Variants in NAALADL1 observed in about 807,000 individuals in gnomAD.
NAALADL1 encodes N-acetylated alpha-linked acidic dipeptidase like 1.
NAALADL1 carries 77 observed loss-of-function variants against 82.8 expected under a neutral mutation model. That is an observed-to-expected ratio of 0.93 (90% CI 0.77 to 1.12). The LOEUF (loss-of-function observed/expected upper bound fraction) is 1.12. NAALADL1 is among the 50% of genes most tolerant of loss of function. The pLI is 0.00. For synonymous variants in NAALADL1, 358 were observed against 399.2 expected (o/e 0.90, Z 1.23); for missense variants, 956 against 964.0 (o/e 0.99, Z 0.11).
chr11:65,045,795 C>A, intron 17 of NAALADL1, 27 bp downstream of exon 17: 1 of 1,605,032 alleles, frequency 6.2e-7, no homozygotes, highest in Non-Finnish European at 8.5e-7. Flanking sequence ...CCTGGAGGCA[C>A]CTCCCAGGAC....
rs1413748392 is a variant in NAALADL1 at position 65,051,335 on chromosome 11, T to C, written c.1198+1883A>G. Among the ~76,000 whole-genome samples, 236 of 119,130 alleles carry C rather than the reference T, an allele frequency of 2.0e-3. 4 individuals carry two copies. Among genetic ancestry groups the C allele is most frequent in the Middle Eastern group, 7.5e-3 (2 of 266 alleles). 78.2% of individuals were successfully genotyped at this position (119,130 alleles called of 152,430 possible). ...TCTTTCTTTTTTTTTTTTTTTTTTTTTTTTTTTTTTTTTTTTTTTGAGACA... is the reference window on the plus strand; with the variant it reads ...TCTTTCTTTTTTTTTTTTTTTTTTTCTTTTTTTTTTTTTTTTTTTGAGACA... On this transcript the variant is annotated intron_variant, in intron 8 of 17. Transcript: ENST00000358658.
In NAALADL1 at chr11:65,046,435, C is replaced by A; in HGVS notation, c.1681+10G>T. ...CCTGGTCTCAGGATGCCCCTTGTCT[C>A]CCTCCTCACCCGGGTCCAAAAACTT... On this transcript the variant is annotated intron_variant, in intron 14 of 17. Coordinates refer to ENST00000358658, the MANE Select transcript of NAALADL1 (RefSeq NM_005468.3). 1 of 1,614,212 alleles carries A rather than the reference C, an allele frequency of 6.2e-7. No individual in the cohort carries two copies. Among genetic ancestry groups the A allele is most frequent in the Non-Finnish European group, 8.5e-7 (1 of 1,180,032 alleles).
Position 65,057,900 on chromosome 11 carries a change from G to A in NAALADL1, c.455C>T (p.Ala152Val), listed in dbSNP as rs778146385. ...CTGTGGGGTTCCAGAAGGAGCATAGGCAGCATAGGGTTGTACCACATCTGG... is the reference window on the plus strand; with the variant it reads ...CTGTGGGGTTCCAGAAGGAGCATAGACAGCATAGGGTTGTACCACATCTGG... ...GGPDVVQPYA[A>V]YAPSGTPQGL... Residue 152 changes from alanine (A) to valine (V), a missense_variant, in exon 3 of 18, where the codon GCC becomes GTC. By Grantham distance (64) the Ala-to-Val change is moderately conservative. Transcript: ENST00000358658. 9.3e-6 allele frequency: 15 copies of A among 1,614,068 alleles called. No homozygotes were observed. Among genetic ancestry groups the A allele is most frequent in the Non-Finnish European group, 1.2e-5 (14 of 1,179,996 alleles).
intron 13 of NAALADL1, 29 bp downstream of exon 13, chr11:65,047,446 G>A (rs756128249): frequency 1.3e-6 from 2 of 1,543,386 alleles, no homozygotes; most frequent in South Asian, 1.2e-5. Context: ...GCAAGGTACC[G>A]AGGCAGGGAC....
chr11:65,056,923 G>T (rs1485436712), intron 4 of NAALADL1, among the ~76,000 whole-genome samples: 2 of 151,468 alleles, frequency 1.3e-5, no homozygotes, highest in Non-Finnish European at 2.9e-5. Flanking sequence ...CACCATGTTG[G>T]CCAGGCTGGC....
Position 65,053,780 on chromosome 11 carries a change from C to T in NAALADL1, c.993-204G>A, listed in dbSNP as rs1946958697. 6.6e-6 allele frequency among the ~76,000 whole-genome samples: 1 copy of T among 152,192 alleles called. No individual in the cohort carries two copies. Among genetic ancestry groups the T allele is most frequent in the African/African-American group, 2.4e-5 (1 of 41,434 alleles). On this transcript the variant is annotated intron_variant, in intron 6 of 17. Coordinates refer to ENST00000358658, the MANE Select transcript of NAALADL1 (RefSeq NM_005468.3). This position sits in a 1 kb window ranked among gnomAD's most constrained non-coding sequence, Gnocchi z 4.3. ...TACTTATTGGGTACTTAGTCCCTGA[C>T]TAGTCTCTGGGCAATGACGGTGACA...
intron 3 of NAALADL1, 69 bp downstream of exon 3, chr11:65,057,806 A>G: frequency 5.0e-6 from 8 of 1,595,812 alleles, no homozygotes; most frequent in Non-Finnish European, 6.9e-6. Flanking sequence ...TCCCTGGGTC[A>G]GGGTGGGGAG....
chr11:65,060,948 T>C (rs1565258443), upstream of NAALADL1, among the ~76,000 whole-genome samples: 1 of 152,068 alleles, frequency 6.6e-6, no homozygotes, highest in Non-Finnish European at 1.5e-5. Flanking sequence ...CTCCCCACTC[T>C]CCACCTGCCC....
intron 13 of NAALADL1, 100 bp downstream of exon 13, chr11:65,047,375 G>A (rs911587473): frequency 4.0e-6 from 4 of 992,024 alleles, no homozygotes; most frequent in Admixed American, 2.8e-5. Flanking sequence ...GTAGCAATGA[G>A]TAAAGGTGCA....
At chr11:65,055,846 CTTCT>C (rs1290853444) in intron 4 of NAALADL1, among the ~76,000 whole-genome samples, 1 of 148,878 alleles carries the variant, frequency 6.7e-6, no homozygotes, top group Non-Finnish European at 1.5e-5. Flanking sequence ...CTCCACCTTC[CTTCT>C]TTCTTTCTCT....
In NAALADL1 at chr11:65,057,428, G is replaced by T. The variant is rs749688158; in HGVS notation, c.546C>A (p.Ile182=). 2 of 1,614,182 alleles carry T rather than the reference G, an allele frequency of 1.2e-6. No individual in the cohort carries two copies. Among genetic ancestry groups the T allele is most frequent in the East Asian group, 4.5e-5 (2 of 44,888 alleles). The change falls in exon 4 of 18, where the codon ATC becomes ATA. Residue 182 remains isoleucine (I), a synonymous_variant. Transcript: ENST00000358658. ...EDFKELQTQG[I]KLEGTIALTR... Reference sequence around the variant, plus strand: ...TCAGGGCAATGGTGCCTTCAAGTTTGATGCCCTGAGTCTGTAGCTCCTTAA... The same window carrying T: ...TCAGGGCAATGGTGCCTTCAAGTTTTATGCCCTGAGTCTGTAGCTCCTTAA...
chr11:65,057,958 T>C lies in NAALADL1; in HGVS notation c.397A>G (p.Thr133Ala). The C allele has an allele frequency of 6.2e-7, 1 of 1,614,120 alleles. No individual in the cohort carries two copies. Among genetic ancestry groups the C allele is most frequent in the East Asian group, 2.2e-5 (1 of 44,864 alleles). ...TGGIIHSCHR[T>A]EENVTGEQGG... Reference sequence around the variant, plus strand: ...TGCTCCCCGGTCACGTTCTCCTCAGTCCGGTGGCAGGAGTGGATGATGCCC... The same window carrying C: ...TGCTCCCCGGTCACGTTCTCCTCAGCCCGGTGGCAGGAGTGGATGATGCCC... Residue 133 changes from threonine (T) to alanine (A), a missense_variant, in exon 3 of 18, where the codon ACT (threonine) becomes GCT (alanine). Thr to Ala is a moderately conservative substitution (Grantham distance 58, BLOSUM62 0). Coordinates refer to ENST00000358658, the MANE Select transcript of NAALADL1 (RefSeq NM_005468.3).
intron 4 of NAALADL1, among the ~76,000 whole-genome samples, chr11:65,056,576 T>C (rs755383193): frequency 8.6e-5 from 13 of 151,958 alleles, no homozygotes; most frequent in Non-Finnish European, 8.8e-5. Context: ...ATTTTTGTTT[T>C]TTTGTATTTT....
chr11:65,057,467 G>C lies in NAALADL1; in HGVS notation c.507C>G (p.Gly169=), dbSNP rs150755932. 20 of 1,613,922 alleles carry C rather than the reference G, an allele frequency of 1.2e-5. No homozygotes were observed. The Admixed American group carries it at 2.8e-4, about 23-fold the overall frequency. Residue 169 remains glycine, a synonymous_variant, in exon 4 of 18, where the codon GGC becomes GGG. Coordinates refer to ENST00000358658, the MANE Select transcript of NAALADL1 (RefSeq NM_005468.3). Reference sequence around the variant, plus strand: ...GTAGCTCCTTAAAGTCTTCTTCCGCGCCCCGGTTGGCATAGACGAGGAGGC... The same window carrying C: ...GTAGCTCCTTAAAGTCTTCTTCCGCCCCCCGGTTGGCATAGACGAGGAGGC... ...PQGLLVYANR[G]AEEDFKELQT...
chr11:65,058,374 C>G lies in NAALADL1; in HGVS notation c.148G>C (p.Gly50Arg). The change falls in exon 1 of 18, where the codon GGG becomes CGG. Residue 50 changes from glycine to arginine, a missense_variant. Physicochemically the swap from Gly to Arg is moderately radical, Grantham distance 125 (BLOSUM62 -2). Transcript: ENST00000358658. ...CGGATCCTGTGGGCATCCAGCTGCC[C>G]CATGACGGTCTCCAGGATCTCCAGG... ...LDLEILETVM[G>R]QLDAHRIREN... 1 of 1,614,148 alleles carries G rather than the reference C, an allele frequency of 6.2e-7. No individual in the cohort carries two copies. Among genetic ancestry groups the G allele is most frequent in the Non-Finnish European group, 8.5e-7 (1 of 1,180,008 alleles).
chr11:65,054,529 G>C lies in NAALADL1; in HGVS notation c.813C>G (p.Asp271Glu), dbSNP rs149308848. The C allele has an allele frequency of 1.2e-6, 2 of 1,613,986 alleles. No homozygotes were observed. Among genetic ancestry groups the C allele is most frequent in the Non-Finnish European group, 1.7e-6 (2 of 1,180,016 alleles). Residue 271 changes from aspartate to glutamate, a missense_variant, in exon 5 of 18, where the codon GAC becomes GAG. Physicochemically the swap from Asp to Glu is conservative, Grantham distance 45. Transcript: ENST00000358658. This position sits in a 1 kb window ranked among gnomAD's most constrained non-coding sequence, Gnocchi z 4.3. ...GGGGAAATCCGGAGACATTGGCAAG[G>C]TCCACGCGGAAGGAAGAGGGGACGG... ...LPAVPSSFRV[D>E]LANVSGFPPI...
chr11:65,058,376 A>C lies in NAALADL1; in HGVS notation c.146T>G (p.Met49Arg). The change falls in exon 1 of 18, where the codon ATG becomes AGG. Residue 49 changes from methionine (M) to arginine (R), a missense_variant. By Grantham distance (91) the Met-to-Arg change is moderately conservative (BLOSUM62 -1). Coordinates refer to ENST00000358658, the MANE Select transcript of NAALADL1 (RefSeq NM_005468.3). ...GATCCTGTGGGCATCCAGCTGCCCC[A>C]TGACGGTCTCCAGGATCTCCAGGTC... ...DLDLEILETV[M>R]GQLDAHRIRE... 1 of 1,614,134 alleles carries C rather than the reference A, an allele frequency of 6.2e-7. No individual in the cohort carries two copies. Among genetic ancestry groups the C allele is most frequent in the Non-Finnish European group, 8.5e-7 (1 of 1,179,980 alleles).
chr11:65,048,676 G>T (rs1047074696), intron 8 of NAALADL1, among the ~76,000 whole-genome samples: 1 of 151,980 alleles, frequency 6.6e-6, no homozygotes, highest in Non-Finnish European at 1.5e-5. Flanking sequence ...CTCAACCCCC[G>T]CCTCCAGGCC....
Position 65,047,978 on chromosome 11 carries a change from C to T in NAALADL1, c.1416+3G>A, listed in dbSNP as rs755080831. On this transcript the variant is annotated splice_donor_region_variant and intron_variant, in intron 11 of 17. Transcript: ENST00000358658. ...CAGCCCCGCCCGGCCTGCCCCCTTC[C>T]ACCTCTTTGGTTGCAGAGAAGACGA... 1 of 1,608,260 alleles carries T rather than the reference C, an allele frequency of 6.2e-7. No individual in the cohort carries two copies. The highest frequency in any genetic ancestry group is 8.5e-7 in the Non-Finnish European group (1 of 1,177,440).
Sources: gnomAD v4.1 joint callset for allele counts (sites outside exome capture counted in the v4.1 genomes callset) on GRCh38, gnomAD v4.1.1 for gene constraint, Gnocchi (gnomAD v3.1) non-coding constraint, MANE v1.5 for transcripts, NCBI Gene and HGNC (gene_info 2026-07-23, HGNC 2026-07-21) for gene names.